ARHGAP24: variants seen among roughly 807,000 people sequenced by gnomAD.
The protein encoded by ARHGAP24 is Rho GTPase activating protein 24.
Under a neutral mutation model 76.4 loss-of-function variants are expected in ARHGAP24, and 50 were observed. That is an observed-to-expected ratio of 0.65 (90% CI 0.52 to 0.83). The LOEUF (loss-of-function observed/expected upper bound fraction) is 0.83. Ranked by LOEUF, ARHGAP24 falls within the 40% of genes least tolerant of loss-of-function variation. ARHGAP24 has a pLI of 0.00. For synonymous variants in ARHGAP24, 345 were observed against 323.3 expected (o/e 1.07, Z -0.72); for missense variants, 930 against 914.2 (o/e 1.02, Z -0.22).
chr4:85,867,160 A>G (rs905142639), intron 3 of ARHGAP24, among the ~76,000 whole-genome samples: 1 of 152,118 alleles, frequency 6.6e-6, no homozygotes, highest in Non-Finnish European at 1.5e-5. Context: ...TCAGGGGACT[A>G]CTAACCAGGA....
chr4:85,516,913 A>G (rs959339406), intron 1 of ARHGAP24, among the ~76,000 whole-genome samples: 2 of 151,972 alleles, frequency 1.3e-5, no homozygotes, highest in Admixed American at 6.6e-5. Context: ...ATTTTTTTAA[A>G]TTTAGATATA....
At chr4:85,712,473 G>A (rs1724564690) in intron 2 of ARHGAP24, among the ~76,000 whole-genome samples, 2 of 152,116 alleles carry the variant, frequency 1.3e-5, no homozygotes, top group South Asian at 4.1e-4. Flanking sequence ...GTAACAGATT[G>A]TCACAAATTT....
In ARHGAP24 at chr4:85,590,714, G is replaced by A. The variant is rs116763379; in HGVS notation, c.180+19993G>A. ...ACTCATTGAGTACTTTCTGTCTGCC[G>A]TGGTTTTCCTCCAAAAGAACATACT... is the stretch of plus-strand genomic sequence containing the variant. On this transcript the variant is annotated intron_variant, in intron 2 of 9. Transcript: ENST00000395184. Among the ~76,000 whole-genome samples the A allele has an allele frequency of 9.5e-3, 1,440 of 151,984 alleles. 26 individuals are homozygous for A. The highest frequency in any genetic ancestry group is 0.033 in the African/African-American group (1,370 of 41,444).
At chr4:85,748,721 G>A (rs1245266989) in intron 3 of ARHGAP24, among the ~76,000 whole-genome samples, 1 of 152,232 alleles carries the variant, frequency 6.6e-6, no homozygotes, top group Non-Finnish European at 1.5e-5. Context: ...TCCCAAGTAT[G>A]ATGCAGAAAG....
At chr4:85,682,419 C>G (rs1025130179) in intron 2 of ARHGAP24, among the ~76,000 whole-genome samples, 3 of 152,186 alleles carry the variant, frequency 2.0e-5, no homozygotes, top group Non-Finnish European at 4.4e-5. Flanking sequence ...AAAGCAGGAA[C>G]AGTCAGGCTT....
intron 3 of ARHGAP24, among the ~76,000 whole-genome samples, chr4:85,911,216 G>A (rs993489926): frequency 1.3e-5 from 2 of 152,264 alleles, no homozygotes; most frequent in Admixed American, 6.5e-5. Flanking sequence ...AGTGAAATCT[G>A]GGGAGCTCCC....
intron 3 of ARHGAP24, among the ~76,000 whole-genome samples, chr4:85,768,083 G>A (rs1363584715): frequency 6.6e-6 from 1 of 152,124 alleles, no homozygotes; most frequent in African/African-American, 2.4e-5. Context: ...CGGCTGCTGT[G>A]TTGACCATGA....
intron 2 of ARHGAP24, among the ~76,000 whole-genome samples, chr4:85,705,359 T>G (rs893428077): frequency 2.0e-5 from 3 of 152,210 alleles, no homozygotes; most frequent in African/African-American, 7.2e-5. Context: ...CGAATATACA[T>G]GTACAAATAA....
chr4:85,621,945 G>C lies in ARHGAP24; in HGVS notation c.180+51224G>C, dbSNP rs189084175. ...CAATCTTGAGTTAATTTTTGTATAT[G>C]GTGAGAAATAGGAGTCCAGTTTTAT... On this transcript the variant is annotated intron_variant, in intron 2 of 9. Coordinates refer to ENST00000395184, the MANE Select transcript of ARHGAP24 (RefSeq NM_001025616.3). Among the ~76,000 whole-genome samples the C allele has an allele frequency of 8.4e-3, 1,279 of 152,020 alleles. 20 individuals carry two copies. Among genetic ancestry groups the C allele is most frequent in the African/African-American group, 0.029 (1,221 of 41,486 alleles).
chr4:85,627,233 A>G (rs1720989524), intron 2 of ARHGAP24, among the ~76,000 whole-genome samples: 1 of 151,970 alleles, frequency 6.6e-6, no homozygotes, highest in Non-Finnish European at 1.5e-5. Context: ...GATGATGGTG[A>G]CGTACAGATG....
At chr4:85,668,462 T>A (rs1722714870) in intron 2 of ARHGAP24, among the ~76,000 whole-genome samples, 1 of 152,212 alleles carries the variant, frequency 6.6e-6, no homozygotes, top group Non-Finnish European at 1.5e-5. Context: ...AGGGTGCTGA[T>A]ACAAAATTAG....
chr4:85,612,121 C>CACACACAT (rs1050041217), intron 2 of ARHGAP24, among the ~76,000 whole-genome samples: 2 of 142,218 alleles, frequency 1.4e-5, no homozygotes, highest in Non-Finnish European at 3.1e-5. Flanking sequence ...CACACACACA[C>CACACACAT]AGACCAGTGT....
At chr4:85,840,647 G>A (rs1730549327) in intron 3 of ARHGAP24, among the ~76,000 whole-genome samples, 3 of 152,220 alleles carry the variant, frequency 2.0e-5, no homozygotes, top group African/African-American at 7.2e-5. Flanking sequence ...AGCCCATGAA[G>A]TGTGAATACT....
At chr4:85,980,223 T>C (rs1739574530) in intron 8 of ARHGAP24, among the ~76,000 whole-genome samples, 2 of 152,226 alleles carry the variant, frequency 1.3e-5, no homozygotes, top group South Asian at 4.1e-4. Context: ...AGCTAGTAGA[T>C]ATAAATGCAC....
At chr4:85,606,512 CA>C (rs11325522) in intron 2 of ARHGAP24, among the ~76,000 whole-genome samples, 133,305 of 144,838 alleles carry the variant, frequency 0.92, 61,271 homozygotes, top group East Asian at 0.97. Context: ...GACTCCATTT[CA>C]AAAAAAAAAA....
chr4:85,809,612 A>G (rs1728929554), intron 3 of ARHGAP24, among the ~76,000 whole-genome samples: 1 of 152,300 alleles, frequency 6.6e-6, no homozygotes, highest in South Asian at 2.1e-4. Flanking sequence ...GCTTAGTTCT[A>G]ACATCCTTTA....
intron 5 of ARHGAP24, among the ~76,000 whole-genome samples, chr4:85,961,032 C>T (rs559873273): frequency 5.3e-5 from 8 of 152,226 alleles, no homozygotes; most frequent in Non-Finnish European, 1.0e-4. Flanking sequence ...TGTTTCATCA[C>T]TCTCTTTCCT....
intron 3 of ARHGAP24, among the ~76,000 whole-genome samples, chr4:85,824,061 A>T (rs1729598858): frequency 6.6e-6 from 1 of 152,142 alleles, no homozygotes; most frequent in African/African-American, 2.4e-5. Context: ...AAATACAGTA[A>T]ATTATGACTG....
At chr4:85,560,582 T>A (rs896086029) in intron 1 of ARHGAP24, among the ~76,000 whole-genome samples, 20 of 152,350 alleles carry the variant, frequency 1.3e-4, no homozygotes, top group Middle Eastern at 6.8e-3. Context: ...TGTTTCTTCA[T>A]GAAAATAACT....
Sources: allele counts gnomAD v4.1 joint callset (sites outside exome capture counted in the v4.1 genomes callset), GRCh38; gene constraint gnomAD v4.1.1; transcripts MANE v1.5; gene names NCBI Gene and HGNC (gene_info 2026-07-23, HGNC 2026-07-21).